CNTN5: variants seen among roughly 807,000 people sequenced by gnomAD.
CNTN5 encodes contactin 5.
CNTN5 carries 77 observed loss-of-function variants against 129.1 expected under a neutral mutation model. The ratio of observed to expected loss-of-function variants is 0.60; its 90% CI spans 0.50 to 0.72. The LOEUF (loss-of-function observed/expected upper bound fraction) is 0.72, where lower values mean the gene tolerates loss of function less well. CNTN5 is among the 30% of genes least tolerant of loss of function. The pLI, the probability that CNTN5 is intolerant of heterozygous loss-of-function variation, is 0.00. For synonymous variants in CNTN5, 509 were observed against 465.6 expected (o/e 1.09, Z -1.20); for missense variants, 1,478 against 1,328.8 (o/e 1.11, Z -1.75).
chr11:99,148,930 T>G (rs1415279724), intron 1 of CNTN5, among the ~76,000 whole-genome samples: 1 of 152,138 alleles, frequency 6.6e-6, no homozygotes, highest in Non-Finnish European at 1.5e-5. Flanking sequence ...AACCCTTCTA[T>G]CCTCAATTTT....
chr11:99,202,976 G>T (rs928836669), intron 1 of CNTN5, among the ~76,000 whole-genome samples: 2 of 151,288 alleles, frequency 1.3e-5, no homozygotes, highest in East Asian at 1.9e-4. Context: ...AGAGAGAAAA[G>T]AATGAATGAA....
intron 1 of CNTN5, among the ~76,000 whole-genome samples, chr11:99,276,072 CA>C (rs1379941571): frequency 6.6e-6 from 1 of 151,480 alleles, no homozygotes; most frequent in African/African-American, 2.4e-5. Flanking sequence ...TGGGGAGTTA[CA>C]AAAAAACTGC....
At chr11:100,194,896 A>T (rs532499656) in intron 15 of CNTN5, among the ~76,000 whole-genome samples, 5 of 149,704 alleles carry the variant, frequency 3.3e-5, no homozygotes, top group African/African-American at 1.2e-4. Context: ...TTCCTGGTTT[A>T]CTATCCAATT....
At chr11:99,611,853 G>A (rs1950601676) in intron 3 of CNTN5, among the ~76,000 whole-genome samples, 1 of 152,142 alleles carries the variant, frequency 6.6e-6, no homozygotes, top group Non-Finnish European at 1.5e-5. Flanking sequence ...ATAACTTTAA[G>A]AAAGGTCTTT....
At chr11:99,595,888 A>G (rs1331176905) in intron 3 of CNTN5, among the ~76,000 whole-genome samples, 1 of 152,004 alleles carries the variant, frequency 6.6e-6, no homozygotes, top group East Asian at 1.9e-4. Context: ...AGGCCTTTTA[A>G]AGCCTTTGTG....
intron 1 of CNTN5, among the ~76,000 whole-genome samples, chr11:99,101,706 G>A (rs1272168552): frequency 2.0e-5 from 3 of 152,140 alleles, no homozygotes; most frequent in Non-Finnish European, 4.4e-5. Flanking sequence ...ATGACCTTGG[G>A]CAGCACCACT....
intron 3 of CNTN5, among the ~76,000 whole-genome samples, chr11:99,620,733 A>G (rs1237033391): frequency 1.1e-4 from 17 of 151,856 alleles, no homozygotes; most frequent in Admixed American, 9.2e-4. Flanking sequence ...CATCAGCAGC[A>G]CACAATTTTA....
At chr11:99,348,046 T>C (rs1307543009) in intron 2 of CNTN5, among the ~76,000 whole-genome samples, 1 of 152,194 alleles carries the variant, frequency 6.6e-6, no homozygotes, top group South Asian at 2.1e-4. Context: ...AAATAATTCA[T>C]TAGATTACTA....
chr11:99,282,167 C>T (rs1038529562), intron 1 of CNTN5, among the ~76,000 whole-genome samples: 1 of 151,912 alleles, frequency 6.6e-6, no homozygotes, highest in African/African-American at 2.4e-5. Context: ...ACAATTTTTC[C>T]TACAATAAGA....
chr11:100,281,042 T>C (rs1321628678), intron 18 of CNTN5, among the ~76,000 whole-genome samples: 1 of 152,168 alleles, frequency 6.6e-6, no homozygotes, highest in Non-Finnish European at 1.5e-5. Context: ...TTGTACTGTC[T>C]ATGTATTTGA....
intron 3 of CNTN5, among the ~76,000 whole-genome samples, chr11:99,755,321 A>C (rs758689929): frequency 2.0e-5 from 3 of 152,178 alleles, no homozygotes; most frequent in Non-Finnish European, 2.9e-5. Flanking sequence ...AAGTGACTGT[A>C]CCATTTTGCA....
chr11:99,354,074 C>A (rs1232373605), intron 2 of CNTN5, among the ~76,000 whole-genome samples: 1 of 152,092 alleles, frequency 6.6e-6, no homozygotes, highest in Non-Finnish European at 1.5e-5. Flanking sequence ...CCTAAGACAT[C>A]AATCAAAAGG....
chr11:99,702,397 A>T (rs1176069749), intron 3 of CNTN5, among the ~76,000 whole-genome samples: 1 of 151,000 alleles, frequency 6.6e-6, no homozygotes, highest in Admixed American at 6.6e-5. Context: ...ATTGGCAATA[A>T]AATATCAGGT....
intron 6 of CNTN5, among the ~76,000 whole-genome samples, chr11:99,870,236 C>T (rs1255152883): frequency 1.3e-5 from 2 of 152,008 alleles, no homozygotes; most frequent in Non-Finnish European, 2.9e-5. Flanking sequence ...AAGGTATACT[C>T]ATTTTACCTC....
intron 1 of CNTN5, among the ~76,000 whole-genome samples, chr11:99,218,621 C>T (rs1349909463): frequency 6.6e-6 from 1 of 151,950 alleles, no homozygotes; most frequent in Non-Finnish European, 1.5e-5. Flanking sequence ...CAATTGCCTA[C>T]TCACCATTAT....
intron 3 of CNTN5, among the ~76,000 whole-genome samples, chr11:99,564,792 C>A (rs546975566): frequency 7.9e-5 from 12 of 152,062 alleles, no homozygotes. Context: ...GAAGACAATA[C>A]GGTCCAGGAT....
At chr11:99,672,848 G>A (rs1478667620) in intron 3 of CNTN5, among the ~76,000 whole-genome samples, 1 of 151,956 alleles carries the variant, frequency 6.6e-6, no homozygotes, top group Admixed American at 6.6e-5. Context: ...TCCAAAAACA[G>A]AAAGGGCAGG....
chr11:100,299,429 A>T, intron 20 of CNTN5, 33 bp downstream of exon 20: 1 of 1,357,074 alleles, frequency 7.4e-7, no homozygotes, highest in Non-Finnish European at 1.0e-6. Flanking sequence ...TTTTTATTTA[A>T]CATTTTACTT....
intron 20 of CNTN5, among the ~76,000 whole-genome samples, chr11:100,307,657 C>A (rs1323510953): frequency 2.0e-5 from 3 of 151,764 alleles, no homozygotes; most frequent in Admixed American, 1.3e-4. Context: ...TTTTAAATAT[C>A]ATGATTCATA....
Sources: gnomAD v4.1 joint callset for allele counts (sites outside exome capture counted in the v4.1 genomes callset) on GRCh38, gnomAD v4.1.1 for gene constraint, MANE v1.5 for transcripts, NCBI Gene and HGNC (gene_info 2026-07-23, HGNC 2026-07-21) for gene names.